NKAIN2: variants seen among roughly 807,000 people sequenced by gnomAD.
NKAIN2 encodes sodium/potassium-transporting ATPase subunit beta-1-interacting protein 2.
A neutral mutation model predicts 32.6 loss-of-function variants in NKAIN2; 14 were observed. That is an observed-to-expected ratio of 0.43 (90% CI 0.28 to 0.67). The LOEUF is 0.67. Ranked by LOEUF, NKAIN2 falls within the 30% of genes least tolerant of loss-of-function variation. The probability of loss-of-function intolerance (pLI) is 0.17; values close to 1 mark genes in which losing one functional copy is unlikely to be tolerated. For synonymous variants in NKAIN2, 80 were observed against 87.2 expected (o/e 0.92, Z 0.46); for missense variants, 198 against 258.3 (o/e 0.77, Z 1.60).
chr6:123,947,616 A>C (rs191503206), intron 1 of NKAIN2, among the ~76,000 whole-genome samples: 5 of 152,192 alleles, frequency 3.3e-5, no homozygotes, highest in Admixed American at 3.3e-4. Context: ...TGTGTTTTAA[A>C]GTTTTTTTAT....
At chr6:124,623,873 C>G (rs1783201650) in intron 3 of NKAIN2, among the ~76,000 whole-genome samples, 1 of 152,104 alleles carries the variant, frequency 6.6e-6, no homozygotes, top group Non-Finnish European at 1.5e-5. Context: ...CATTCAGTCT[C>G]AAAAACACAG....
chr6:124,331,375 A>C (rs1481193849), intron 2 of NKAIN2, among the ~76,000 whole-genome samples: 1 of 146,772 alleles, frequency 6.8e-6, no homozygotes, highest in East Asian at 2.0e-4. Flanking sequence ...AAAAAAAAAA[A>C]AAAACTAGCT....
At chr6:123,918,409 T>G (rs1463073894) in intron 1 of NKAIN2, among the ~76,000 whole-genome samples, 1 of 152,224 alleles carries the variant, frequency 6.6e-6, no homozygotes, top group East Asian at 1.9e-4. Flanking sequence ...ATGTCACTGT[T>G]AACATTCTGA....
chr6:124,018,661 CTCCATCTGA>C (rs763657321), intron 1 of NKAIN2, among the ~76,000 whole-genome samples: 1 of 152,168 alleles, frequency 6.6e-6, no homozygotes, highest in Non-Finnish European at 1.5e-5. Flanking sequence ...AGTTCCTCAT[CTCCATCTGA>C]GGCACCTCAA....
At chr6:124,374,770 T>G (rs1215468672) in intron 3 of NKAIN2, among the ~76,000 whole-genome samples, 1 of 152,268 alleles carries the variant, frequency 6.6e-6, no homozygotes, top group East Asian at 1.9e-4. Flanking sequence ...TATAACAACC[T>G]AACTATCCAA....
At chr6:124,364,647 C>G (rs1799441926) in intron 3 of NKAIN2, among the ~76,000 whole-genome samples, 1 of 151,624 alleles carries the variant, frequency 6.6e-6, no homozygotes, top group South Asian at 2.1e-4. Context: ...AAATATTCTT[C>G]AACAATTAAG....
chr6:124,804,294 G>C lies in NKAIN2; in HGVS notation c.535+12895G>C, dbSNP rs190671110. Among the ~76,000 whole-genome samples, 30 of 152,282 alleles carry C rather than the reference G, an allele frequency of 2.0e-4. 1 individual carries two copies. The highest frequency in any genetic ancestry group is 1.6e-3 in the Admixed American group (25 of 15,304). On this transcript the variant is annotated intron_variant, in intron 5 of 6. Transcript: ENST00000368417. ...AAGGCACTGCCCTCACTGAGAATTA[G>C]CAGATATGAACAAGAACAACAATAC...
At chr6:124,019,172 G>GTCCCTCCC (rs1780742810) in intron 1 of NKAIN2, among the ~76,000 whole-genome samples, 1 of 152,038 alleles carries the variant, frequency 6.6e-6, no homozygotes, top group Non-Finnish European at 1.5e-5. Context: ...CTCCCACTGG[G>GTCCCTCCC]TCCCTCCCAC....
intron 1 of NKAIN2, among the ~76,000 whole-genome samples, chr6:123,943,623 A>G (rs972704634): frequency 1.3e-5 from 2 of 152,072 alleles, no homozygotes; most frequent in Admixed American, 6.6e-5. Flanking sequence ...TTAGGAGATA[A>G]CATATGAAGT....
At chr6:124,739,964 C>T (rs972990421) in intron 4 of NKAIN2, among the ~76,000 whole-genome samples, 3 of 151,792 alleles carry the variant, frequency 2.0e-5, no homozygotes, top group Admixed American at 2.0e-4. Flanking sequence ...TAAATGTTCT[C>T]TGGTGTTGGG....
At chr6:124,394,302 G>T (rs1273707509) in intron 3 of NKAIN2, among the ~76,000 whole-genome samples, 1 of 152,086 alleles carries the variant, frequency 6.6e-6, no homozygotes, top group African/African-American at 2.4e-5. Flanking sequence ...AAGGGAGTTT[G>T]ATAAGCACAC....
intron 1 of NKAIN2, among the ~76,000 whole-genome samples, chr6:124,205,168 C>T (rs760729540): frequency 1.3e-5 from 2 of 151,680 alleles, no homozygotes; most frequent in African/African-American, 2.4e-5. Context: ...AGTCCATAGG[C>T]CAAATATTAT....
chr6:124,197,670 C>A (rs556345653), intron 1 of NKAIN2, among the ~76,000 whole-genome samples: 2 of 152,104 alleles, frequency 1.3e-5, no homozygotes, highest in African/African-American at 4.8e-5. Context: ...ACAATGAATA[C>A]AGGAATATAA....
intron 3 of NKAIN2, among the ~76,000 whole-genome samples, chr6:124,559,834 ATTTTTTTTTTTTT>A (rs55701016): frequency 2.7e-5 from 2 of 73,762 alleles, no homozygotes; most frequent in African/African-American, 1.1e-4. Context: ...GAAATAAACC[ATTTTTTTTTTTTT>A]TTTTTTTTTT....
At chr6:123,831,359 A>G (rs1774369019) in intron 1 of NKAIN2, among the ~76,000 whole-genome samples, 1 of 151,556 alleles carries the variant, frequency 6.6e-6, no homozygotes. Flanking sequence ...TAAATCTTTT[A>G]TATAGCCATG....
At chr6:124,544,870 A>C (rs1780038041) in intron 3 of NKAIN2, among the ~76,000 whole-genome samples, 1 of 152,188 alleles carries the variant, frequency 6.6e-6, no homozygotes, top group Non-Finnish European at 1.5e-5. Flanking sequence ...ACTTCCCCGG[A>C]AAATTTTTTT....
At chr6:124,588,441 G>A (rs965914299) in intron 3 of NKAIN2, among the ~76,000 whole-genome samples, 26 of 151,806 alleles carry the variant, frequency 1.7e-4, no homozygotes, top group Non-Finnish European at 3.2e-4. Flanking sequence ...CATGTTTTTC[G>A]GTAATGATCA....
intron 1 of NKAIN2, among the ~76,000 whole-genome samples, chr6:124,145,992 C>T (rs1787379374): frequency 6.6e-6 from 1 of 152,100 alleles, no homozygotes; most frequent in African/African-American, 2.4e-5. Flanking sequence ...TGTGCAAATA[C>T]ACATAAATGA....
At chr6:124,739,620 G>A (rs1777109368) in intron 4 of NKAIN2, among the ~76,000 whole-genome samples, 1 of 151,838 alleles carries the variant, frequency 6.6e-6, no homozygotes, top group Non-Finnish European at 1.5e-5. Flanking sequence ...AAGGCATGTG[G>A]CTTAGTTGAC....
Sources: allele counts gnomAD v4.1 joint callset (sites outside exome capture counted in the v4.1 genomes callset), GRCh38; gene constraint gnomAD v4.1.1; transcripts MANE v1.5; gene names NCBI Gene and HGNC (gene_info 2026-07-23, HGNC 2026-07-21).